The following PLEKHA3 variants were observed in gnomAD, a reference collection of about 807,000 sequenced individuals.
PLEKHA3 encodes the protein pleckstrin homology domain-containing family A member 3.
In PLEKHA3, 19 loss-of-function variants were observed where a neutral mutation model predicts 39.2. That is an observed-to-expected ratio of 0.48 (90% CI 0.34 to 0.71). PLEKHA3 has a LOEUF of 0.71. Among genes scored for constraint, PLEKHA3 ranks in the 30% least tolerant of loss-of-function variants. The probability of loss-of-function intolerance (pLI) is 0.01; values close to 1 mark genes in which losing one functional copy is unlikely to be tolerated. For synonymous variants in PLEKHA3, 97 were observed against 118.6 expected, an observed-to-expected ratio of 0.82 and a Z score of 1.18; for missense variants, 253 against 359.5, an observed-to-expected ratio of 0.70 and a Z score of 2.40.
In PLEKHA3 at chr2:178,495,659, T is replaced by C. The variant is rs774903642; in HGVS notation, c.614T>C (p.Met205Thr). ...CCTGTGTCACCTTCTCCTGTTCAAA[T>C]GGTTTGAACTTCTTGTTTTGGTTTT... ...VSPVSPSPVQMMKRSVSHPGS... is the reference protein window; with the variant it reads ...VSPVSPSPVQTMKRSVSHPGS... The change falls in exon 5 of 8, where the codon ATG (methionine) becomes ACG (threonine). Residue 205 changes from methionine to threonine, a missense_variant and splice_region_variant. Met to Thr is a moderately conservative substitution (Grantham distance 81). This residue lies in a region of PLEKHA3 where 127 missense variants were observed against 136.8 expected (regional missense o/e 0.93). Coordinates refer to ENST00000234453, the MANE Select transcript of PLEKHA3 (RefSeq NM_019091.4). 2 of 1,589,140 alleles carry C rather than the reference T, an allele frequency of 1.3e-6. No individual in the cohort carries two copies. The highest frequency in any genetic ancestry group is 1.7e-6 in the Non-Finnish European group (2 of 1,166,600).
intron 3 of PLEKHA3, among the ~76,000 whole-genome samples, chr2:178,491,339 T>C (rs1215058252): frequency 3.3e-5 from 5 of 152,200 alleles, no homozygotes; most frequent in African/African-American, 1.2e-4. Context: ...GGCTGATATA[T>C]AGACAGTAAG....
Position 178,513,975 on chromosome 2 carries a change from A to G in PLEKHA3, c.*10088A>G, listed in dbSNP as rs1190824320. On this transcript the variant is annotated 3_prime_UTR_variant, in exon 8 of 8. Coordinates refer to ENST00000234453, the MANE Select transcript of PLEKHA3 (RefSeq NM_019091.4). ...GTCGCTAGGGGTTGCTGGGTTATCCAAGTGATTCAGCATGCCTTCAGAATT... is the reference window on the plus strand; with the variant it reads ...GTCGCTAGGGGTTGCTGGGTTATCCGAGTGATTCAGCATGCCTTCAGAATT... 2 of 152,334 alleles carry G rather than the reference A, an allele frequency of 1.3e-5. No individual in the cohort carries two copies. Among genetic ancestry groups the G allele is most frequent in the East Asian group, 3.9e-4 (2 of 5,188 alleles). 9.4% of individuals were successfully genotyped at this position (152,334 alleles called of 1,614,324 possible).
intron 7 of PLEKHA3, among the ~76,000 whole-genome samples, chr2:178,503,036 C>A (rs572133290): frequency 6.6e-6 from 1 of 152,052 alleles, no homozygotes; most frequent in Admixed American, 6.6e-5. Context: ...AAATATTCTT[C>A]TTGTGAGATG....
chr2:178,487,031 G>A (rs915901319), intron 2 of PLEKHA3, among the ~76,000 whole-genome samples: 1 of 152,228 alleles, frequency 6.6e-6, no homozygotes, highest in African/African-American at 2.4e-5. Context: ...TGCATTGGAG[G>A]AGAGAAATTG....
rs974168568 is a variant in PLEKHA3, at chr2:178,514,231, G to A, written c.*10344G>A. On this transcript the variant is annotated 3_prime_UTR_variant, in exon 8 of 8. Coordinates refer to ENST00000234453, the MANE Select transcript of PLEKHA3 (RefSeq NM_019091.4). The stretch of plus-strand genomic sequence containing the variant: ...TTTTAACTCCTGTGTCATCTCTGAT[G>A]TTGTGGCTAATTTTAAGACTTTGAT... 6.7e-6 allele frequency: 1 copy of A among 148,444 alleles called. No individual in the cohort carries two copies. Among genetic ancestry groups the A allele is most frequent in the African/African-American group, 2.5e-5 (1 of 40,066 alleles). 9.2% of individuals were successfully genotyped at this position (148,444 alleles called of 1,614,324 possible). A position where few individuals can be genotyped will look rare whatever the true frequency, so the allele number is the denominator to read the frequency against.
rs1040897940 is a variant in PLEKHA3, at chr2:178,502,710, T to A, written c.776-1050T>A. 2.6e-5 allele frequency among the ~76,000 whole-genome samples: 4 copies of A among 151,892 alleles called. No individual in the cohort carries two copies. In the East Asian group the frequency reaches 7.7e-4, roughly 29 times the overall value. On this transcript the variant is annotated intron_variant, in intron 7 of 7. Coordinates refer to ENST00000234453, the MANE Select transcript of PLEKHA3 (RefSeq NM_019091.4). ...TCTAGTCCTGAATATTTGAAAACAA[T>A]TTTCAAAAGATCTAGGTGTACATGC...
intron 2 of PLEKHA3, among the ~76,000 whole-genome samples, chr2:178,489,522 A>C (rs913697418): frequency 4.9e-5 from 6 of 121,616 alleles, no homozygotes; most frequent in African/African-American, 2.0e-4. Context: ...CAGTGGTATG[A>C]TTGTAGCTCA....
At chr2:178,486,658 A>G (rs1346571365) in intron 2 of PLEKHA3, among the ~76,000 whole-genome samples, 3 of 152,198 alleles carry the variant, frequency 2.0e-5, no homozygotes, top group Non-Finnish European at 4.4e-5. Flanking sequence ...CTTTTACTCA[A>G]CATCATGTTT....
chr2:178,515,788 T>C lies in PLEKHA3; in HGVS notation c.*11901T>C, dbSNP rs1010697771. 6 of 152,118 alleles carry C rather than the reference T, an allele frequency of 3.9e-5. No homozygotes were observed. The highest frequency in any genetic ancestry group is 3.9e-4 in the Admixed American group (6 of 15,280). 9.4% of individuals were successfully genotyped at this position (152,118 alleles called of 1,614,324 possible). ...TTTAATATCTTAGATACAATGACTA[T>C]CTTAATTATAATTGGCTTTCCAAAA... On this transcript the variant is annotated 3_prime_UTR_variant, in exon 8 of 8. Transcript: ENST00000234453.
rs1458540103 is a variant in PLEKHA3, at chr2:178,504,031, C to T, written c.*144C>T. The T allele has an allele frequency of 9.6e-6, 8 of 830,582 alleles. No individual in the cohort carries two copies. The East Asian group carries it at 1.6e-4, about 17-fold the overall frequency. The allele number at this position is 830,582 out of a possible 1,614,324, so 51.5% of individuals were successfully genotyped here. A position where few individuals can be genotyped will look rare whatever the true frequency, so the allele number is the denominator to read the frequency against. ...AACAGACAAACAAGAAAACAAACCA[C>T]ATACTTTTGAAGTGTATTTTATCTT... On this transcript the variant is annotated 3_prime_UTR_variant, in exon 8 of 8. Coordinates refer to ENST00000234453, the MANE Select transcript of PLEKHA3 (RefSeq NM_019091.4).
In PLEKHA3 at chr2:178,513,663, T is replaced by C. The variant is rs1685719376; in HGVS notation, c.*9776T>C. The C allele has an allele frequency of 1.3e-5, 2 of 152,146 alleles. No individual in the cohort carries two copies. Among genetic ancestry groups the C allele is most frequent in the Admixed American group, 1.3e-4 (2 of 15,282 alleles). 9.4% of individuals were successfully genotyped at this position (152,146 alleles called of 1,614,324 possible). A position where few individuals can be genotyped will look rare whatever the true frequency, so the allele number is the denominator to read the frequency against. On this transcript the variant is annotated 3_prime_UTR_variant, in exon 8 of 8. Transcript: ENST00000234453. ...ACTTGGAATCATTTTAGTTTTCCAA[T>C]TGATTTTAAAAGTTTATCTATAGAA...
Position 178,490,720 on chromosome 2 carries a change from G to C in PLEKHA3, c.219G>C (p.Met73Ile). ...LIIPGEQHFY[M>I]KAVNAAERQR... ...TTCCTGGAGAGCAGCATTTCTACATGAAGGCAGTGAATGCAGCTGAAAGAC... is the reference window on the plus strand; with the variant it reads ...TTCCTGGAGAGCAGCATTTCTACATCAAGGCAGTGAATGCAGCTGAAAGAC... Residue 73 changes from methionine (M) to isoleucine (I), a missense_variant, in exon 3 of 8, where the codon ATG (methionine) becomes ATC (isoleucine). Around this residue, in one of 2 missense-constraint regions of PLEKHA3, gnomAD observed 126 missense variants for 222.7 expected, o/e 0.57. Coordinates refer to ENST00000234453, the MANE Select transcript of PLEKHA3 (RefSeq NM_019091.4). The C allele has an allele frequency of 6.2e-7, 1 of 1,613,902 alleles. No individual in the cohort carries two copies. Among genetic ancestry groups the C allele is most frequent in the Non-Finnish European group, 8.5e-7 (1 of 1,179,774 alleles).
At chr2:178,491,533 A>G (rs997429180) in intron 3 of PLEKHA3, among the ~76,000 whole-genome samples, 4 of 152,226 alleles carry the variant, frequency 2.6e-5, no homozygotes, top group African/African-American at 7.2e-5. Context: ...TTGTCACTGT[A>G]TATACCCTTT....
At position 178,497,466 on chromosome 2, in the gene PLEKHA3, G is replaced by A. The variant is rs531304937; in HGVS notation, c.616-1745G>A. On this transcript the variant is annotated intron_variant, in intron 5 of 7. Coordinates refer to ENST00000234453, the MANE Select transcript of PLEKHA3 (RefSeq NM_019091.4). The stretch of plus-strand genomic sequence containing the variant: ...AGGATGGTCTCGATCTCCTGACCTC[G>A]TGATCTGCCCGCCTTAGTCTTCCAA... Among the ~76,000 whole-genome samples, 6 of 152,204 alleles carry A rather than the reference G, an allele frequency of 3.9e-5. No individual in the cohort carries two copies. In the East Asian group the frequency reaches 5.8e-4, roughly 15 times the overall value.
intron 1 of PLEKHA3, among the ~76,000 whole-genome samples, chr2:178,482,552 CAAAA>C (rs557529546): frequency 5.6e-5 from 5 of 89,428 alleles, no homozygotes; most frequent in Admixed American, 1.3e-4. Context: ...GATCCTGTCT[CAAAA>C]AAAAAAAAAA....
chr2:178,495,446 T>C, intron 4 of PLEKHA3, 50 bp from the exon 5 acceptor site: 1 of 1,551,896 alleles, frequency 6.4e-7, no homozygotes, highest in Non-Finnish European at 8.9e-7. Context: ...TTGTATATGA[T>C]TCCATGTAGT....
rs868653904 is a variant in PLEKHA3 at position 178,515,040 on chromosome 2, C to A, written c.*11153C>A. ...AATTTTTGGTCTTATAACATTCTCT[C>A]TCTTTTTTTTTTTTTTTTTTTGTAG... On this transcript the variant is annotated 3_prime_UTR_variant, in exon 8 of 8. Coordinates refer to ENST00000234453, the MANE Select transcript of PLEKHA3 (RefSeq NM_019091.4). 7.2e-6 allele frequency: 1 copy of A among 138,726 alleles called. No individual in the cohort carries two copies. The highest frequency in any genetic ancestry group is 2.9e-5 in the African/African-American group (1 of 34,928). 8.6% of individuals were successfully genotyped at this position (138,726 alleles called of 1,614,324 possible).
In PLEKHA3 at chr2:178,509,741, A is replaced by G. The variant is rs1335057533; in HGVS notation, c.*5854A>G. ...GGATCTGCCTGCCTTGACTTTCCAAAATTCTCGGATTACAGGCATGAGCCA... is the reference window on the plus strand; with the variant it reads ...GGATCTGCCTGCCTTGACTTTCCAAGATTCTCGGATTACAGGCATGAGCCA... On this transcript the variant is annotated 3_prime_UTR_variant, in exon 8 of 8. Transcript: ENST00000234453. The G allele has an allele frequency of 6.6e-6, 1 of 152,228 alleles. No homozygotes were observed. The highest frequency in any genetic ancestry group is 1.9e-4 in the East Asian group (1 of 5,182). 9.4% of individuals were successfully genotyped at this position (152,228 alleles called of 1,614,324 possible). A position where few individuals can be genotyped will look rare whatever the true frequency, so the allele number is the denominator to read the frequency against.
At chr2:178,481,467 TG>T (rs776748474) in intron 1 of PLEKHA3, among the ~76,000 whole-genome samples, 3 of 152,172 alleles carry the variant, frequency 2.0e-5, no homozygotes, top group Non-Finnish European at 4.4e-5. Context: ...ATCCTTACGT[TG>T]GGGAATTCTG....
Sources: allele counts gnomAD v4.1 joint callset (sites outside exome capture counted in the v4.1 genomes callset), GRCh38; gene constraint gnomAD v4.1.1; regional missense constraint gnomAD v4.1.1; transcripts MANE v1.5; gene names NCBI Gene and HGNC (gene_info 2026-07-23, HGNC 2026-07-21).